Variants in CPNE8 observed in about 807,000 individuals in gnomAD.
The protein encoded by CPNE8 is copine 8, also known as copine-8.
A neutral mutation model predicts 81.5 loss-of-function variants in CPNE8; 45 were observed. That is an observed-to-expected ratio of 0.55 (90% CI 0.44 to 0.71). The LOEUF (loss-of-function observed/expected upper bound fraction) is 0.71, where lower values mean the gene tolerates loss of function less well. Among genes scored for constraint, CPNE8 ranks in the 30% least tolerant of loss-of-function variants. The probability of loss-of-function intolerance (pLI) is 0.00; values close to 1 mark genes in which losing one functional copy is unlikely to be tolerated. For missense variants in CPNE8, 594 were observed against 672.1 expected (o/e 0.88, Z 1.28); for synonymous variants, 252 against 226.3 (o/e 1.11, Z -1.02).
At chr12:38,702,502 A>G (rs1939971634) in intron 14 of CPNE8, among the ~76,000 whole-genome samples, 1 of 152,172 alleles carries the variant, frequency 6.6e-6, no homozygotes, top group South Asian at 2.1e-4. Context: ...AAAAATGAGG[A>G]TTATAACTTA....
intron 1 of CPNE8, among the ~76,000 whole-genome samples, chr12:38,901,668 T>C (rs1231432434): frequency 6.6e-6 from 1 of 152,176 alleles, no homozygotes; most frequent in African/African-American, 2.4e-5. Context: ...GGAGCTTGCC[T>C]TTGCATAAAT....
intron 13 of CPNE8, among the ~76,000 whole-genome samples, chr12:38,707,148 T>C (rs1277776376): frequency 6.6e-6 from 1 of 151,904 alleles, no homozygotes; most frequent in Non-Finnish European, 1.5e-5. Flanking sequence ...ACCCAGTCTG[T>C]ATAGAAATTT....
intron 19 of CPNE8, among the ~76,000 whole-genome samples, chr12:38,656,879 G>C (rs1263785512): frequency 6.6e-6 from 1 of 152,168 alleles, no homozygotes; most frequent in African/African-American, 2.4e-5. Flanking sequence ...GTATTTCCTT[G>C]GTGGTTGGGA....
At chr12:38,889,229 A>G (rs1451919520) in intron 1 of CPNE8, among the ~76,000 whole-genome samples, 1 of 152,148 alleles carries the variant, frequency 6.6e-6, no homozygotes, top group East Asian at 1.9e-4. Context: ...ATAAACAAAT[A>G]TGTGCAGTGA....
Position 38,874,676 on chromosome 12 carries a change from G to C in CPNE8, c.99-165C>G, listed in dbSNP as rs556817676. Among the ~76,000 whole-genome samples the C allele has an allele frequency of 2.0e-5, 3 of 152,236 alleles. No homozygotes were observed. In the South Asian group the frequency reaches 6.2e-4, roughly 32 times the overall value. ...CTAAATAAACATGTCCCAAGGGTCT[G>C]CTTGTATATATTCAGACTGAACATC... On this transcript the variant is annotated intron_variant, in intron 1 of 19. Transcript: ENST00000331366.
chr12:38,730,041 T>A (rs826876), intron 11 of CPNE8, among the ~76,000 whole-genome samples: 1 of 151,622 alleles, frequency 6.6e-6, no homozygotes, highest in African/African-American at 2.4e-5. Context: ...ACAATAAACT[T>A]ATATCCATAT....
In CPNE8 at chr12:38,894,413, G is replaced by T. The variant is rs532537415; in HGVS notation, c.98+11024C>A. Among the ~76,000 whole-genome samples, 4 of 151,570 alleles carry T rather than the reference G, an allele frequency of 2.6e-5. No homozygotes were observed. In the East Asian group the frequency reaches 7.7e-4, roughly 29 times the overall value. On this transcript the variant is annotated intron_variant, in intron 1 of 19. Coordinates refer to ENST00000331366, the MANE Select transcript of CPNE8 (RefSeq NM_153634.3). ...TCACTAGTAACTTGATATTGATTAC[G>T]CCTCCTTTCCCCAATGCCTACAAGA... is the stretch of plus-strand genomic sequence containing the variant.
intron 6 of CPNE8, among the ~76,000 whole-genome samples, chr12:38,794,023 T>C (rs1942394343): frequency 6.6e-6 from 1 of 152,090 alleles, no homozygotes; most frequent in Non-Finnish European, 1.5e-5. Flanking sequence ...TGCAAATGAA[T>C]GTTTTGGATG....
rs181331897 is a variant in CPNE8, at chr12:38,653,930, C to T, written c.1647G>A (p.Ala549=). The T allele has an allele frequency of 1.6e-5, 26 of 1,613,250 alleles. No individual in the cohort carries two copies. Among genetic ancestry groups the T allele is most frequent in the Admixed American group, 1.0e-4 (6 of 59,948 alleles). ...GTGTAGGTGGGGTGTATGGGGGAGG[C>T]GCAGGTGATGGCTTGATTCCTCGGG... ...MRARGIKPSP[A]PPPYTPPTHV... The change falls in exon 20 of 20, where the codon GCG becomes GCA. Residue 549 remains alanine (A), a synonymous_variant. Transcript: ENST00000331366.
chr12:38,775,732 GCTGTAGTGGCAGCTAAT>G (rs1353419548), intron 7 of CPNE8, among the ~76,000 whole-genome samples: 1 of 152,156 alleles, frequency 6.6e-6, no homozygotes. Flanking sequence ...CATACTGCTA[GCTGTAGTGGCAGCTAAT>G]CCTTTCTTCA....
At chr12:38,869,397 T>G (rs530758413) in intron 3 of CPNE8, among the ~76,000 whole-genome samples, 4 of 152,318 alleles carry the variant, frequency 2.6e-5, no homozygotes, top group Middle Eastern at 3.4e-3. Flanking sequence ...AACAGCTATA[T>G]TAGCTAGAAT....
intron 6 of CPNE8, among the ~76,000 whole-genome samples, chr12:38,819,936 A>G (rs550331271): frequency 1.8e-4 from 28 of 152,132 alleles, no homozygotes; most frequent in Non-Finnish European, 3.4e-4. Context: ...CTACAGAACT[A>G]ATATTCTTAG....
chr12:38,818,475 T>C (rs1156591367), intron 6 of CPNE8, among the ~76,000 whole-genome samples: 1 of 152,224 alleles, frequency 6.6e-6, no homozygotes, highest in Non-Finnish European at 1.5e-5. Flanking sequence ...TCCTTTTTTA[T>C]GTCTGCACAG....
intron 15 of CPNE8, among the ~76,000 whole-genome samples, chr12:38,690,930 C>A (rs1373665031): frequency 3.3e-5 from 5 of 152,068 alleles, no homozygotes; most frequent in Admixed American, 6.6e-5. Flanking sequence ...ATTTTTATGA[C>A]ACTGGGAGTG....
At chr12:38,656,811 G>A (rs192687114) in intron 19 of CPNE8, among the ~76,000 whole-genome samples, 121 of 152,222 alleles carry the variant, frequency 7.9e-4, no homozygotes, top group African/African-American at 2.6e-3. Flanking sequence ...AGGATCCTCC[G>A]TAAGAGCCAC....
chr12:38,738,806 CTT>C (rs5797590), intron 10 of CPNE8, among the ~76,000 whole-genome samples: 8 of 50,086 alleles, frequency 1.6e-4, no homozygotes, highest in East Asian at 5.6e-4. Context: ...TTTTTCTTTT[CTT>C]TTTTTTTTTT....
intron 9 of CPNE8, 33 bp downstream of exon 9, chr12:38,762,079 T>C: frequency 9.1e-7 from 1 of 1,103,450 alleles, no homozygotes; most frequent in Middle Eastern, 2.1e-4. Context: ...TTAAAAGTTA[T>C]TTGAAGATTT....
chr12:38,674,441 C>T (rs1052244927), intron 18 of CPNE8, among the ~76,000 whole-genome samples: 1 of 152,106 alleles, frequency 6.6e-6, no homozygotes, highest in Non-Finnish European at 1.5e-5. Flanking sequence ...GTTATTTTAG[C>T]CTACCAATTG....
chr12:38,866,426 G>A (rs534784825), intron 3 of CPNE8, among the ~76,000 whole-genome samples: 1 of 152,308 alleles, frequency 6.6e-6, no homozygotes, highest in African/African-American at 2.4e-5. Flanking sequence ...GAAAGTATCA[G>A]TAGCCATGCA....
Sources: allele counts gnomAD v4.1 joint callset (sites outside exome capture counted in the v4.1 genomes callset), GRCh38; gene constraint gnomAD v4.1.1; transcripts MANE v1.5; gene names NCBI Gene and HGNC (gene_info 2026-07-23, HGNC 2026-07-21).